Variants in GPHN observed in about 807,000 individuals in gnomAD.
GPHN encodes gephyrin.
GPHN carries 17 observed loss-of-function variants against 95.5 expected under a neutral mutation model. The observed-to-expected ratio is 0.18, with a 90% CI of 0.12 to 0.27. GPHN has a LOEUF of 0.27. Among genes scored for constraint, GPHN ranks in the 10% least tolerant of loss-of-function variants. The probability of loss-of-function intolerance (pLI) is 1.00; values close to 1 mark genes in which losing one functional copy is unlikely to be tolerated. For missense variants in GPHN, 660 were observed against 978.1 expected, an observed-to-expected ratio of 0.67 and a Z score of 4.34; for synonymous variants, 320 against 322.5, an observed-to-expected ratio of 0.99 and a Z score of 0.08.
Position 66,924,236 on chromosome 14 carries a change from G to A in GPHN, c.772G>A (p.Gly258Ser), listed in dbSNP as rs1458825735. The A allele has an allele frequency of 5.0e-6, 8 of 1,611,602 alleles. No individual in the cohort carries two copies. The highest frequency in any genetic ancestry group is 4.5e-5 in the East Asian group (2 of 44,872). Residue 258 changes from glycine to serine, a missense_variant, in exon 8 of 23, where the codon GGT becomes AGT. By Grantham distance (56) the Gly-to-Ser change is moderately conservative (BLOSUM62 0). This residue lies in a region of GPHN where 190 missense variants were observed against 224.7 expected (regional missense o/e 0.85). Coordinates refer to ENST00000478722, the MANE Select transcript of GPHN (RefSeq NM_020806.5). ...YTSPAVVMAH[G>S]EQPIPGLINY... ...CAGTCCTGCTGTTGTCATGGCACAC[G>A]GTGAACAGCCCATCCCTGGTCTCAT...
Position 66,975,623 on chromosome 14 carries a change from T to G in GPHN, c.963+10298T>G, listed in dbSNP as rs2070158090. ...GGCTGGGCACAGTGGCTCATGCCTATAATCCCAGCACTTTGGGAGGCCAAG... is the reference window on the plus strand; with the variant it reads ...GGCTGGGCACAGTGGCTCATGCCTAGAATCCCAGCACTTTGGGAGGCCAAG... On this transcript the variant is annotated intron_variant, in intron 9 of 22. Coordinates refer to ENST00000478722, the MANE Select transcript of GPHN (RefSeq NM_020806.5). Among the ~76,000 whole-genome samples, 6 of 151,926 alleles carry G rather than the reference T, an allele frequency of 3.9e-5. No homozygotes were observed. The South Asian group carries it at 1.2e-3, about 32-fold the overall frequency.
intron 4 of GPHN, among the ~76,000 whole-genome samples, chr14:66,837,128 TAA>T (rs1481493018): frequency 6.6e-6 from 1 of 151,180 alleles, no homozygotes; most frequent in Non-Finnish European, 1.5e-5. Flanking sequence ...CATGCTGCTA[TAA>T]AGACACATGC....
At chr14:67,433,942 AGAGACAG>A in the GPHN span, among the ~76,000 whole-genome samples, 1 of 152,266 alleles carries the variant, frequency 6.6e-6, no homozygotes. Context: ...ATTAGATATC[AGAGACAG>A]GATGGACGGA....
chr14:66,584,317 A>G (rs541824919), intron 1 of GPHN, among the ~76,000 whole-genome samples: 6 of 152,254 alleles, frequency 3.9e-5, no homozygotes, highest in Admixed American at 1.3e-4. Context: ...TAGTTATACA[A>G]TCTTGTCATC....
the GPHN span, among the ~76,000 whole-genome samples, chr14:67,232,833 A>G: frequency 1.3e-5 from 2 of 152,172 alleles, no homozygotes; most frequent in Non-Finnish European, 2.9e-5. Flanking sequence ...GGCTTGGGAG[A>G]CTTGTGTGCT....
chr14:67,153,566 A>G (rs1358500596), intron 18 of GPHN, among the ~76,000 whole-genome samples: 1 of 152,174 alleles, frequency 6.6e-6, no homozygotes, highest in Non-Finnish European at 1.5e-5. Context: ...GAGTTTCAAC[A>G]TATGAATTTG....
the GPHN span, chr14:67,562,445 C>A: frequency 2.2e-5 from 36 of 1,613,588 alleles, 1 homozygote; most frequent in East Asian, 7.8e-4. Context: ...ATGCATGAAG[C>A]TTCTTACCTT....
chr14:67,725,936 G>C, the GPHN span: 778,771 of 796,322 alleles, frequency 0.98, 382,021 homozygotes, highest in East Asian at 1. Flanking sequence ...CTATCAAAAT[G>C]TTACCCCAAC....
At chr14:66,921,308 A>G (rs1284991004) in intron 6 of GPHN, among the ~76,000 whole-genome samples, 1 of 152,116 alleles carries the variant, frequency 6.6e-6, no homozygotes, top group Non-Finnish European at 1.5e-5. Flanking sequence ...GTAAGGTGGT[A>G]TTGTATTGCA....
At chr14:67,622,515 ACT>A in the GPHN span, among the ~76,000 whole-genome samples, 1 of 152,074 alleles carries the variant, frequency 6.6e-6, no homozygotes, top group South Asian at 2.1e-4. Context: ...CATTTTAATA[ACT>A]CTCCAAGTTC....
the GPHN span, chr14:67,659,990 T>A: frequency 6.8e-7 from 1 of 1,466,398 alleles, no homozygotes; most frequent in Non-Finnish European, 9.3e-7. Context: ...ATATGCCTAG[T>A]TTGGACTAAT....
chr14:66,522,708 ATC>A (rs1427207412), intron 1 of GPHN, among the ~76,000 whole-genome samples: 1 of 151,976 alleles, frequency 6.6e-6, no homozygotes, highest in African/African-American at 2.4e-5. Flanking sequence ...TTCTACAATA[ATC>A]TTTATTGTGA....
At chr14:66,545,410 G>A (rs1406374764) in intron 1 of GPHN, among the ~76,000 whole-genome samples, 5 of 134,702 alleles carry the variant, frequency 3.7e-5, no homozygotes, top group African/African-American at 1.4e-4. Flanking sequence ...CCTCCCGGAT[G>A]GGGCGGCTGG....
the GPHN span, among the ~76,000 whole-genome samples, chr14:67,448,120 C>CTTTTTTTTTTTTTT: frequency 5.0e-4 from 18 of 36,078 alleles, 7 homozygotes; most frequent in African/African-American, 1.5e-3. Flanking sequence ...ATAGCCCATT[C>CTTTTTTTTTTTTTT]TTTTTTTTTT....
At chr14:66,596,646 G>T (rs1056203493) in intron 1 of GPHN, among the ~76,000 whole-genome samples, 1 of 152,192 alleles carries the variant, frequency 6.6e-6, no homozygotes, top group South Asian at 2.1e-4. Flanking sequence ...ATTGGAGCGG[G>T]TGTTTGTAGT....
At chr14:66,907,291 A>G (rs2065433660) in intron 5 of GPHN, among the ~76,000 whole-genome samples, 1 of 152,296 alleles carries the variant, frequency 6.6e-6, no homozygotes, top group Non-Finnish European at 1.5e-5. Context: ...ACATCCTTAC[A>G]TGCATATTGC....
intron 10 of GPHN, among the ~76,000 whole-genome samples, chr14:67,041,370 C>A (rs2074694591): frequency 6.6e-6 from 1 of 151,918 alleles, no homozygotes; most frequent in Non-Finnish European, 1.5e-5. Context: ...CTCCCCTAAC[C>A]CCCCACCCCC....
the GPHN span, among the ~76,000 whole-genome samples, chr14:67,440,521 G>A: frequency 2.0e-5 from 3 of 152,148 alleles, no homozygotes; most frequent in African/African-American, 4.8e-5. Context: ...GGCACCCGAG[G>A]TGGCCAGATC....
At chr14:66,721,777 C>T (rs2070761007) in intron 2 of GPHN, among the ~76,000 whole-genome samples, 1 of 151,792 alleles carries the variant, frequency 6.6e-6, no homozygotes, top group African/African-American at 2.4e-5. Context: ...ATGATGAAAC[C>T]TCGTTTCTAT....
Sources: allele counts gnomAD v4.1 joint callset (sites outside exome capture counted in the v4.1 genomes callset), GRCh38; gene constraint gnomAD v4.1.1; regional missense constraint gnomAD v4.1.1; transcripts MANE v1.5; gene names NCBI Gene and HGNC (gene_info 2026-07-23, HGNC 2026-07-21).